The following CCT7 variants were observed in gnomAD, a reference collection of about 807,000 sequenced individuals.
CCT7 encodes chaperonin containing TCP1 subunit 7.
In CCT7, 16 loss-of-function variants were observed where a neutral mutation model predicts 56.6. That is an observed-to-expected ratio of 0.28 (90% CI 0.19 to 0.43). The LOEUF (loss-of-function observed/expected upper bound fraction) is 0.43. CCT7 is among the 20% of genes least tolerant of loss of function. The pLI, the probability that CCT7 is intolerant of heterozygous loss-of-function variation, is 1.00. For missense variants in CCT7, 519 were observed against 685.6 expected (o/e 0.76, Z 2.71); for synonymous variants, 262 against 254.8 (o/e 1.03, Z -0.27).
intron 2 of CCT7, 76 bp from the exon 3 acceptor site, chr2:73,240,361 T>C (rs1687054162): frequency 1.0e-6 from 1 of 990,598 alleles, no homozygotes; most frequent in East Asian, 2.5e-5. Context: ...CCCAGTAAAG[T>C]GTAGATGGGT....
chr2:73,235,448 A>G (rs1686836751), intron 1 of CCT7: 4 of 513,412 alleles, frequency 7.8e-6, no homozygotes, highest in Non-Finnish European at 1.0e-5. Context: ...GGACGCAGAC[A>G]CCTTTTAGGT....
Position 73,251,451 on chromosome 2 carries a change from C to A in CCT7, c.1410+19C>A. 3 of 1,426,578 alleles carry A rather than the reference C, an allele frequency of 2.1e-6. No individual in the cohort carries two copies. Among genetic ancestry groups the A allele is most frequent in the Admixed American group, 1.8e-5 (1 of 57,084 alleles). The allele number at this position is 1,426,578 out of a possible 1,614,324, so 88.4% of individuals were successfully genotyped here. On this transcript the variant is annotated intron_variant, in intron 11 of 11. Transcript: ENST00000258091. ...TGCCCAGGTGGGTCCTTTCTCTCCCCAGGGTTCAGGGTTTGGGCGGGTGGG... is the reference window on the plus strand; with the variant it reads ...TGCCCAGGTGGGTCCTTTCTCTCCCAAGGGTTCAGGGTTTGGGCGGGTGGG...
chr2:73,247,321 C>T (rs1687381793), intron 6 of CCT7, among the ~76,000 whole-genome samples: 1 of 152,024 alleles, frequency 6.6e-6, no homozygotes, highest in East Asian at 1.9e-4. Flanking sequence ...TGGAGGTGTA[C>T]AGGAGGATAC....
intron 3 of CCT7, among the ~76,000 whole-genome samples, chr2:73,242,624 C>T (rs1669048102): frequency 6.6e-6 from 1 of 152,160 alleles, no homozygotes; most frequent in African/African-American, 2.4e-5. Flanking sequence ...TTCTTGGTAC[C>T]ATGATTATTT....
Position 73,247,747 on chromosome 2 carries a change from G to GT in CCT7, c.619-8dup, listed in dbSNP as rs1553379051. On this transcript the variant is annotated splice_polypyrimidine_tract_variant and intron_variant, in intron 6 of 11. Coordinates refer to ENST00000258091, the MANE Select transcript of CCT7 (RefSeq NM_006429.4). ...TTAGTACCAAACCATTAAAGTGTTT[G>GT]TTTTTTTAAAACAGGATTCTCAGCT... 1.4e-5 allele frequency: 22 copies of GT among 1,612,060 alleles called. No individual in the cohort carries two copies. In the Middle Eastern group the frequency reaches 9.9e-4, roughly 73 times the overall value.
intron 4 of CCT7, 110 bp from the exon 5 acceptor site, chr2:73,243,887 A>G: frequency 1.1e-6 from 1 of 937,174 alleles, no homozygotes; most frequent in Middle Eastern, 2.1e-4. Flanking sequence ...TGTAGAGTAG[A>G]AATGCTTAGG....
Position 73,234,330 on chromosome 2 carries a change from G to A in CCT7, c.-49G>A. ...GGCATTGTGGGTTGCTGGGCGGCCC[G>A]GTCTCGGAGAAGAGGGGAGAGTGGC... On this transcript the variant is annotated 5_prime_UTR_variant, in exon 1 of 12. Coordinates refer to ENST00000258091, the MANE Select transcript of CCT7 (RefSeq NM_006429.4). 1.2e-6 allele frequency: 2 copies of A among 1,613,098 alleles called. 1 individual carries two copies. The highest frequency in any genetic ancestry group is 2.2e-5 in the South Asian group (2 of 91,064).
Position 73,252,907 on chromosome 2 carries a change from T to TA in CCT7, c.*47dup. The TA allele has an allele frequency of 4.8e-6, 7 of 1,454,328 alleles. No individual in the cohort carries two copies. The highest frequency in any genetic ancestry group is 6.7e-6 in the Non-Finnish European group (7 of 1,043,590). The allele number at this position is 1,454,328 out of a possible 1,614,324, so 90.1% of individuals were successfully genotyped here. On this transcript the variant is annotated 3_prime_UTR_variant, in exon 12 of 12. Coordinates refer to ENST00000258091, the MANE Select transcript of CCT7 (RefSeq NM_006429.4). ...TGGCTGGCTGGCTGCTGGGTGCACT[T>TA]ACCCTCCTTGGCTTGGTTACTTCAT...
chr2:73,238,803 C>T (rs1365099101), intron 1 of CCT7, among the ~76,000 whole-genome samples: 1 of 152,206 alleles, frequency 6.6e-6, no homozygotes, highest in Non-Finnish European at 1.5e-5. Flanking sequence ...ATTGCTCTCT[C>T]TGCTAATAAT....
At chr2:73,244,173 T>G in intron 5 of CCT7, 124 bp downstream of exon 5, 1 of 978,296 alleles carries the variant, frequency 1.0e-6, no homozygotes, top group South Asian at 1.6e-5. Context: ...GTGCTGGGAT[T>G]ACAGGTGTGA....
chr2:73,251,264 G>T lies in CCT7; in HGVS notation c.1242G>T (p.Met414Ile). 1 of 1,614,186 alleles carries T rather than the reference G, an allele frequency of 6.2e-7. No homozygotes were observed. Among genetic ancestry groups the T allele is most frequent in the Non-Finnish European group, 8.5e-7 (1 of 1,180,042 alleles). ...TGGCTGGTGGCGGGGCCATTGAGAT[G>T]GAACTCTCCAAGTACCTGCGGGATT... ...SVVAGGGAIE[M>I]ELSKYLRDYS... Residue 414 changes from methionine (M) to isoleucine (I), a missense_variant, in exon 11 of 12, where the codon ATG (methionine) becomes ATT (isoleucine). Coordinates refer to ENST00000258091, the MANE Select transcript of CCT7 (RefSeq NM_006429.4).
chr2:73,244,475 C>A lies in CCT7; in HGVS notation c.447-69C>A, dbSNP rs1220147904. 5 of 1,375,332 alleles carry A rather than the reference C, an allele frequency of 3.6e-6. No homozygotes were observed. In the East Asian group the frequency reaches 1.2e-4, roughly 32 times the overall value. The allele number at this position is 1,375,332 out of a possible 1,614,324, so 85.2% of individuals were successfully genotyped here. On this transcript the variant is annotated intron_variant, in intron 5 of 11. Transcript: ENST00000258091. ...AGACTGGAAGGGAACTACCTCCACA[C>A]TGTAGTAGAATCAGATAAGAGGGAT...
In CCT7 at chr2:73,252,507, A is replaced by G; in HGVS notation, c.1411-133A>G. On this transcript the variant is annotated intron_variant, in intron 11 of 11. Transcript: ENST00000258091. ...TCCTGGCATGCTCATAGGAAGATGC[A>G]GTATTCTTCAGCGAAATGCCACCAA... The G allele has an allele frequency of 4.4e-6, 3 of 680,246 alleles. No homozygotes were observed. The South Asian group carries it at 5.5e-5, about 13-fold the overall frequency. 42.1% of individuals were successfully genotyped at this position (680,246 alleles called of 1,614,324 possible). A position where few individuals can be genotyped will look rare whatever the true frequency, so the allele number is the denominator to read the frequency against.
intron 11 of CCT7, among the ~76,000 whole-genome samples, chr2:73,251,802 G>T (rs1002888235): frequency 1.3e-5 from 2 of 152,186 alleles, no homozygotes; most frequent in Non-Finnish European, 2.9e-5. Context: ...AGCCAGGCGT[G>T]GTGGTGGGCA....
rs750460509 is a variant in CCT7, at chr2:73,250,423, C to G, written c.1188C>G (p.Val396=). 17 of 1,613,954 alleles carry G rather than the reference C, an allele frequency of 1.1e-5. No individual in the cohort carries two copies. Residue 396 remains valine (V), a synonymous_variant, in exon 10 of 12, where the codon GTC becomes GTG. Coordinates refer to ENST00000258091, the MANE Select transcript of CCT7 (RefSeq NM_006429.4). The stretch of plus-strand genomic sequence containing the variant: ...CCCTGCATGATGCCATCATGATCGT[C>G]AGGAGGGCCATCAAGGTACTGGGCT... ...ERSLHDAIMI[V]RRAIKNDSVV... is the part of the protein sequence containing the mutation.
At chr2:73,234,875 C>T (rs1296437171) in intron 1 of CCT7, among the ~76,000 whole-genome samples, 2 of 152,216 alleles carry the variant, frequency 1.3e-5, no homozygotes, top group Non-Finnish European at 2.9e-5. Flanking sequence ...CTCGCTGACC[C>T]TCACCGCAGC....
chr2:73,249,778 G>A lies in CCT7; in HGVS notation c.973-41G>A, dbSNP rs369579976. 1.0e-5 allele frequency: 15 copies of A among 1,429,780 alleles called. No homozygotes were observed. In the East Asian group the frequency reaches 1.6e-4, roughly 15 times the overall value. The allele number at this position is 1,429,780 out of a possible 1,614,324, so 88.6% of individuals were successfully genotyped here. Reference sequence around the variant, plus strand: ...AGGTGGCAGGAAGCTGCCTGGCCTCGGGAACCTTCACTGCTAGATCTTGCC... The same window carrying A: ...AGGTGGCAGGAAGCTGCCTGGCCTCAGGAACCTTCACTGCTAGATCTTGCC... On this transcript the variant is annotated intron_variant, in intron 8 of 11. Transcript: ENST00000258091.
chr2:73,251,551 C>G (rs531567874), intron 11 of CCT7, 119 bp downstream of exon 11: 7 of 840,434 alleles, frequency 8.3e-6, no homozygotes, highest in African/African-American at 5.0e-5. Context: ...CAACTCCCCC[C>G]AGCCTGTCTG....
At position 73,249,131 on chromosome 2, in the gene CCT7, G is replaced by C. The variant is rs765236924; in HGVS notation, c.924G>C (p.Met308Ile). Residue 308 changes from methionine to isoleucine, a missense_variant, in exon 8 of 12, where the codon ATG becomes ATC. Physicochemically the swap from Met to Ile is conservative, Grantham distance 10 (BLOSUM62 1). Transcript: ENST00000258091. ...CCCAGTACTTTGCTGACAGGGACAT[G>C]TTCTGTGCTGGCCGAGTACCTGAGG... Reference protein sequence around the residue: ...VATQYFADRDMFCAGRVPEED... With the variant: ...VATQYFADRDIFCAGRVPEED... 1 of 1,614,034 alleles carries C rather than the reference G, an allele frequency of 6.2e-7. No individual in the cohort carries two copies.
Sources: allele counts gnomAD v4.1 joint callset (sites outside exome capture counted in the v4.1 genomes callset), GRCh38; gene constraint gnomAD v4.1.1; transcripts MANE v1.5; gene names NCBI Gene and HGNC (gene_info 2026-07-23, HGNC 2026-07-21).